Variants in RFX3 observed in about 807,000 individuals in gnomAD.
The protein encoded by RFX3 is transcription factor RFX3.
Under a neutral mutation model 98.6 loss-of-function variants are expected in RFX3, and 14 were observed. The observed-to-expected ratio is 0.14, with a 90% CI of 0.09 to 0.22. The LOEUF (loss-of-function observed/expected upper bound fraction) is 0.22, where lower values mean the gene tolerates loss of function less well. RFX3 is among the 10% of genes least tolerant of loss of function. The probability of loss-of-function intolerance (pLI) is 1.00; values close to 1 mark genes in which losing one functional copy is unlikely to be tolerated. For synonymous variants in RFX3, 383 were observed against 328.4 expected, an observed-to-expected ratio of 1.17 and a Z score of -1.80; for missense variants, 639 against 926.9, an observed-to-expected ratio of 0.69 and a Z score of 4.03.
intron 15 of RFX3, among the ~76,000 whole-genome samples, chr9:3,232,254 A>T (rs1439146398): frequency 2.6e-5 from 4 of 152,208 alleles, no homozygotes; most frequent in Admixed American, 2.6e-4. Context: ...CTGACGTGAC[A>T]TCTTACCACT....
intron 1 of RFX3, among the ~76,000 whole-genome samples, chr9:3,516,447 T>C (rs1325083911): frequency 6.6e-6 from 1 of 152,158 alleles, no homozygotes; most frequent in Non-Finnish European, 1.5e-5. Flanking sequence ...CTTATCCAAG[T>C]ATAAACAATA....
intron 1 of RFX3, among the ~76,000 whole-genome samples, chr9:3,512,025 C>T (rs2133840539): frequency 6.6e-6 from 1 of 152,156 alleles, no homozygotes; most frequent in Non-Finnish European, 1.5e-5. Context: ...TACGTGACTA[C>T]TATGCTTTGT....
intron 1 of RFX3, among the ~76,000 whole-genome samples, chr9:3,449,037 C>T (rs1846318187): frequency 6.6e-6 from 1 of 152,100 alleles, no homozygotes; most frequent in South Asian, 2.1e-4. Context: ...TTTGAGTTTA[C>T]CCCCAATTAG....
At chr9:3,308,908 T>A (rs1240306460) in intron 4 of RFX3, among the ~76,000 whole-genome samples, 5 of 152,076 alleles carry the variant, frequency 3.3e-5, no homozygotes, top group African/African-American at 7.2e-5. Context: ...CTAACCAAAC[T>A]TTGAATCCTT....
chr9:3,418,359 T>C (rs754966345), intron 1 of RFX3, among the ~76,000 whole-genome samples: 1 of 152,192 alleles, frequency 6.6e-6, no homozygotes, highest in Non-Finnish European at 1.5e-5. Flanking sequence ...AGCATTGATT[T>C]ATAAATACTT....
chr9:3,466,079 T>C (rs1051065500), intron 1 of RFX3, among the ~76,000 whole-genome samples: 2 of 152,194 alleles, frequency 1.3e-5, no homozygotes, highest in Admixed American at 6.5e-5. Context: ...ATGCCATGCA[T>C]AGTACAGAAA....
Position 3,252,837 on chromosome 9 carries a change from T to C in RFX3, c.1814+4154A>G, listed in dbSNP as rs77031780. Reference sequence around the variant, plus strand: ...ATTGATCCTCAATTATAATACCTAGTTATTTAAAAAATACTGACATGTATG... The same window carrying C: ...ATTGATCCTCAATTATAATACCTAGCTATTTAAAAAATACTGACATGTATG... On this transcript the variant is annotated intron_variant, in intron 14 of 16. Coordinates refer to ENST00000617270, the MANE Select transcript of RFX3 (RefSeq NM_001282116.2). Among the ~76,000 whole-genome samples the C allele has an allele frequency of 1.5e-4, 23 of 152,348 alleles. No homozygotes were observed. The East Asian group carries it at 4.4e-3, about 29-fold the overall frequency.
At chr9:3,348,012 A>G (rs1211985598) in intron 2 of RFX3, among the ~76,000 whole-genome samples, 3 of 152,180 alleles carry the variant, frequency 2.0e-5, no homozygotes, top group South Asian at 4.1e-4. Flanking sequence ...CAATCACTAT[A>G]GTATTGGTTT....
chr9:3,513,265 T>C (rs1355481451), intron 1 of RFX3, among the ~76,000 whole-genome samples: 2 of 152,168 alleles, frequency 1.3e-5, no homozygotes, highest in Non-Finnish European at 2.9e-5. Flanking sequence ...TCATCAGTCA[T>C]AGCAGTGATA....
At chr9:3,236,409 C>A (rs895449788) in intron 15 of RFX3, among the ~76,000 whole-genome samples, 2 of 152,146 alleles carry the variant, frequency 1.3e-5, no homozygotes, top group Non-Finnish European at 2.9e-5. Flanking sequence ...AGGGACAGAG[C>A]AGTCCTAAGC....
chr9:3,423,775 T>A (rs1175052896), intron 1 of RFX3, among the ~76,000 whole-genome samples: 1 of 76,154 alleles, frequency 1.3e-5, no homozygotes, highest in Non-Finnish European at 2.4e-5. Flanking sequence ...TATTATATAT[T>A]TTCATATATA....
chr9:3,346,632 G>A lies in RFX3; in HGVS notation c.215+35C>T, dbSNP rs768982508. On this transcript the variant is annotated intron_variant, in intron 3 of 16. Coordinates refer to ENST00000617270, the MANE Select transcript of RFX3 (RefSeq NM_001282116.2). ...AAAAGTACATTATTTTTCTCTGAGT[G>A]GGGGAATTAAAAAGACTTCCACATA... is the stretch of plus-strand genomic sequence containing the variant. 1.3e-5 allele frequency: 17 copies of A among 1,282,524 alleles called. No homozygotes were observed. In the South Asian group the frequency reaches 1.9e-4, roughly 14 times the overall value. The allele number at this position is 1,282,524 out of a possible 1,614,324, so 79.4% of individuals were successfully genotyped here.
At chr9:3,501,605 G>A (rs903537666) in intron 1 of RFX3, among the ~76,000 whole-genome samples, 3 of 139,346 alleles carry the variant, frequency 2.2e-5, no homozygotes, top group Non-Finnish European at 4.5e-5. Flanking sequence ...CACCCAGGCT[G>A]GAGTGCAGTG....
chr9:3,252,241 T>C (rs1821508809), intron 14 of RFX3, among the ~76,000 whole-genome samples: 1 of 152,244 alleles, frequency 6.6e-6, no homozygotes, highest in African/African-American at 2.4e-5. Context: ...CAGATATTTA[T>C]TGTGTTCCTA....
At chr9:3,350,839 C>G (rs1179965460) in intron 2 of RFX3, among the ~76,000 whole-genome samples, 1 of 151,998 alleles carries the variant, frequency 6.6e-6, no homozygotes, top group Non-Finnish European at 1.5e-5. Context: ...AGAAGGTAAT[C>G]TGAAAAGGTT....
chr9:3,402,300 C>G (rs1246405223), intron 1 of RFX3, among the ~76,000 whole-genome samples: 1 of 152,132 alleles, frequency 6.6e-6, no homozygotes, highest in African/African-American at 2.4e-5. Context: ...AGGAATGTAA[C>G]AGGTTTAAAT....
chr9:3,378,103 G>C (rs1160555400), intron 2 of RFX3, among the ~76,000 whole-genome samples: 1 of 152,096 alleles, frequency 6.6e-6, no homozygotes, highest in Non-Finnish European at 1.5e-5. Flanking sequence ...ACTTGGATAA[G>C]AATTCATCAC....
chr9:3,321,124 G>A (rs948508527), intron 4 of RFX3, among the ~76,000 whole-genome samples: 4 of 151,790 alleles, frequency 2.6e-5, no homozygotes, highest in East Asian at 1.9e-4. Context: ...GGCTGGTCTC[G>A]AACTCCTGAC....
At chr9:3,416,587 C>T (rs1377291645) in intron 1 of RFX3, among the ~76,000 whole-genome samples, 1 of 152,190 alleles carries the variant, frequency 6.6e-6, no homozygotes. Flanking sequence ...GTATGGTCCT[C>T]TATCCCATTG....
Sources: gnomAD v4.1 joint callset for allele counts (sites outside exome capture counted in the v4.1 genomes callset) on GRCh38, gnomAD v4.1.1 for gene constraint, MANE v1.5 for transcripts, NCBI Gene and HGNC (gene_info 2026-07-23, HGNC 2026-07-21) for gene names.